Variants in TBC1D22A observed in about 807,000 individuals in gnomAD.
TBC1D22A encodes TBC1 domain family member 22A, also known as putative GTPase activator.
A neutral mutation model predicts 60.2 loss-of-function variants in TBC1D22A; 38 were observed. The observed-to-expected ratio is 0.63, with a 90% confidence interval of 0.49 to 0.83. The LOEUF (loss-of-function observed/expected upper bound fraction) is 0.83, where lower values mean the gene tolerates loss of function less well. TBC1D22A is among the 40% of genes least tolerant of loss of function. TBC1D22A has a pLI of 0.00. For synonymous variants in TBC1D22A, 302 were observed against 281.7 expected, an observed-to-expected ratio of 1.07 and a Z score of -0.72; for missense variants, 628 against 701.0, an observed-to-expected ratio of 0.90 and a Z score of 1.18.
At chr22:47,134,236 G>A (rs2066778534) in intron 12 of TBC1D22A, among the ~76,000 whole-genome samples, 1 of 152,222 alleles carries the variant, frequency 6.6e-6, no homozygotes, top group East Asian at 1.9e-4. Context: ...GATAAACTCG[G>A]AGAAGCTCAT....
At chr22:46,787,381 T>C (rs770631151) in intron 1 of TBC1D22A, among the ~76,000 whole-genome samples, 2 of 152,178 alleles carry the variant, frequency 1.3e-5, no homozygotes, top group Non-Finnish European at 2.9e-5. Context: ...TCTCCTCTCT[T>C]TCTGTCGAGT....
intron 4 of TBC1D22A, among the ~76,000 whole-genome samples, chr22:46,830,956 T>C (rs1464335439): frequency 6.6e-6 from 1 of 151,870 alleles, no homozygotes. Flanking sequence ...AGTCAGAGAA[T>C]CTAGTGACTG....
At chr22:47,049,357 G>T (rs1178132452) in intron 11 of TBC1D22A, among the ~76,000 whole-genome samples, 2 of 152,272 alleles carry the variant, frequency 1.3e-5, no homozygotes, top group South Asian at 2.1e-4. Context: ...CTGGGTTCAC[G>T]TCCACATCAG....
intron 11 of TBC1D22A, among the ~76,000 whole-genome samples, chr22:47,099,119 A>G (rs1238417451): frequency 1.3e-5 from 2 of 152,222 alleles, no homozygotes; most frequent in African/African-American, 4.8e-5. Flanking sequence ...TCAGAAAGCC[A>G]GGAGTCCTGA....
chr22:47,146,421 A>G (rs1411963829), intron 12 of TBC1D22A, among the ~76,000 whole-genome samples: 1 of 152,214 alleles, frequency 6.6e-6, no homozygotes, highest in Non-Finnish European at 1.5e-5. Context: ...GAGACGTTAG[A>G]AAAAAATCTA....
intron 7 of TBC1D22A, among the ~76,000 whole-genome samples, chr22:46,900,441 T>G (rs1217339454): frequency 6.6e-6 from 1 of 152,160 alleles, no homozygotes; most frequent in Non-Finnish European, 1.5e-5. Flanking sequence ...TGAGTAACTG[T>G]GCCCGGCTTG....
At chr22:47,074,212 A>C (rs1232781660) in intron 11 of TBC1D22A, among the ~76,000 whole-genome samples, 1 of 152,238 alleles carries the variant, frequency 6.6e-6, no homozygotes, top group Non-Finnish European at 1.5e-5. Context: ...TGCGTGTCCT[A>C]ATCCGGAGCG....
chr22:47,061,228 G>A (rs565751097), intron 11 of TBC1D22A, among the ~76,000 whole-genome samples: 3 of 152,104 alleles, frequency 2.0e-5, no homozygotes, highest in East Asian at 1.9e-4. Context: ...TCCTGGAAAC[G>A]TTAAGCCACG....
intron 8 of TBC1D22A, among the ~76,000 whole-genome samples, chr22:46,941,665 C>T (rs1049047001): frequency 0.019 from 1,214 of 63,676 alleles, 59 homozygotes; most frequent in African/African-American, 0.062. Context: ...TATATATACG[C>T]GGAATATATA....
intron 12 of TBC1D22A, among the ~76,000 whole-genome samples, chr22:47,158,645 C>G (rs1371855131): frequency 1.3e-5 from 2 of 152,156 alleles, no homozygotes; most frequent in Non-Finnish European, 2.9e-5. Flanking sequence ...GCCTCTGCTG[C>G]GTCCTGCTCA....
rs1439151693 is a variant in TBC1D22A, at chr22:47,049,276, C to T, written c.1329+12078C>T. ...ATTTTCCGATATTAACCTCCCAGCT[C>T]CTGGGCGAACCTCTTGGTACTTAAT... On this transcript the variant is annotated intron_variant, in intron 11 of 12. Transcript: ENST00000337137. 2.6e-5 allele frequency among the ~76,000 whole-genome samples: 4 copies of T among 152,350 alleles called. No homozygotes were observed. The East Asian group carries it at 5.8e-4, about 22-fold the overall frequency.
intron 11 of TBC1D22A, among the ~76,000 whole-genome samples, chr22:47,078,101 C>T (rs184092381): frequency 1.4e-4 from 22 of 152,272 alleles, no homozygotes; most frequent in Non-Finnish European, 2.2e-4. Context: ...GGCCCATCCA[C>T]GGAGTTGCTG....
chr22:46,806,093 C>T (rs2085122015), intron 4 of TBC1D22A, among the ~76,000 whole-genome samples: 1 of 152,150 alleles, frequency 6.6e-6, no homozygotes, highest in Non-Finnish European at 1.5e-5. Flanking sequence ...CCTCGTGATC[C>T]ACCCGCTTTG....
chr22:46,962,528 G>T (rs1353340925), intron 8 of TBC1D22A, among the ~76,000 whole-genome samples: 1 of 151,792 alleles, frequency 6.6e-6, no homozygotes, highest in Non-Finnish European at 1.5e-5. Flanking sequence ...CTCTCTGTGT[G>T]GATCACATAC....
Position 46,876,947 on chromosome 22 carries a change from C to T in TBC1D22A, c.638-1706C>T, listed in dbSNP as rs144037758. On this transcript the variant is annotated intron_variant, in intron 4 of 12. Transcript: ENST00000337137. ...TGGGTAAAGCTACAAGATTTCCCGA[C>T]GTTGAACCATCCCTCCTTCATTCTT... 8.5e-5 allele frequency among the ~76,000 whole-genome samples: 13 copies of T among 152,382 alleles called. No individual in the cohort carries two copies. In the East Asian group the frequency reaches 1.5e-3, roughly 18 times the overall value.
chr22:46,894,180 G>A (rs1177428176), intron 6 of TBC1D22A, among the ~76,000 whole-genome samples: 3 of 152,296 alleles, frequency 2.0e-5, no homozygotes, highest in East Asian at 3.9e-4. Flanking sequence ...GTGATGCCAG[G>A]CCAAGCCCAC....
At chr22:46,779,893 G>A (rs1346403928) in intron 1 of TBC1D22A, among the ~76,000 whole-genome samples, 2 of 152,086 alleles carry the variant, frequency 1.3e-5, no homozygotes, top group African/African-American at 2.4e-5. Context: ...GACAGCCCTC[G>A]GAGACCCTCT....
chr22:46,768,209 G>C (rs564625745), intron 1 of TBC1D22A: 1 of 152,624 alleles, frequency 6.6e-6, no homozygotes, highest in African/African-American at 2.4e-5. Flanking sequence ...GTTTGGCCGG[G>C]CGCGGTGGCT....
intron 12 of TBC1D22A, among the ~76,000 whole-genome samples, chr22:47,126,096 C>T (rs2066445831): frequency 6.6e-6 from 1 of 152,198 alleles, no homozygotes; most frequent in Admixed American, 6.5e-5. Context: ...AGTCTTCCGT[C>T]TCAGCCTCCC....
Sources: gnomAD v4.1 joint callset for allele counts (sites outside exome capture counted in the v4.1 genomes callset) on GRCh38, gnomAD v4.1.1 for gene constraint, MANE v1.5 for transcripts, NCBI Gene and HGNC (gene_info 2026-07-23, HGNC 2026-07-21) for gene names.